MALRD1: variants seen among roughly 807,000 people sequenced by gnomAD.
MALRD1 encodes the protein MAM and LDL-receptor class A domain-containing protein 1.
A neutral mutation model predicts 242.1 loss-of-function variants in MALRD1; 247 were observed. That is an observed-to-expected ratio of 1.02 (90% CI 0.92 to 1.13). The LOEUF (loss-of-function observed/expected upper bound fraction) is 1.13, where lower values mean the gene tolerates loss of function less well. Ranked by LOEUF, MALRD1 falls within the 50% of genes most tolerant of loss-of-function variation. The pLI, the probability that MALRD1 is intolerant of heterozygous loss-of-function variation, is 0.00. For missense variants in MALRD1, 2,989 were observed against 2,533.1 expected (o/e 1.18, Z -3.86); for synonymous variants, 995 against 866.6 (o/e 1.15, Z -2.60).
rs540788579 is a variant in MALRD1 at position 19,223,894 on chromosome 10, C to A, written c.2991+14214C>A. Among the ~76,000 whole-genome samples, 19 of 152,280 alleles carry A rather than the reference C, an allele frequency of 1.2e-4. No individual in the cohort carries two copies. The South Asian group carries it at 3.9e-3, about 32-fold the overall frequency. The stretch of plus-strand genomic sequence containing the variant: ...GACATGAATCCATCCTTTTTTATAG[C>A]TGCATAGTATTCCACGGTGTATATG... On this transcript the variant is annotated intron_variant, in intron 18 of 39. Coordinates refer to ENST00000454679, the MANE Select transcript of MALRD1 (RefSeq NM_001142308.3).
rs187260250 is a variant in MALRD1, at chr10:19,102,994, C to T, written c.598-985C>T. On this transcript the variant is annotated intron_variant, in intron 4 of 39. Transcript: ENST00000454679. Reference sequence around the variant, plus strand: ...TCCTGAGTATATGGGATTATAGGTGCCCGCCACCACTCCCAGCTAATTTTT... The same window carrying T: ...TCCTGAGTATATGGGATTATAGGTGTCCGCCACCACTCCCAGCTAATTTTT... Among the ~76,000 whole-genome samples the T allele has an allele frequency of 2.6e-3, 399 of 151,910 alleles. 5 individuals are homozygous for T. Among genetic ancestry groups the T allele is most frequent in the African/African-American group, 9.1e-3 (379 of 41,422 alleles).
intron 36 of MALRD1, among the ~76,000 whole-genome samples, chr10:19,619,887 C>A (rs1221963342): frequency 6.6e-6 from 1 of 151,968 alleles, no homozygotes; most frequent in Non-Finnish European, 1.5e-5. Flanking sequence ...GGCTCACCCT[C>A]ACCCTCATAG....
intron 31 of MALRD1, among the ~76,000 whole-genome samples, chr10:19,499,489 C>T (rs1048114346): frequency 2.0e-5 from 3 of 151,906 alleles, no homozygotes; most frequent in African/African-American, 7.3e-5. Context: ...GAAGGATCCC[C>T]AAGGGAATGT....
chr10:19,149,751 C>T (rs1310686129), intron 11 of MALRD1, among the ~76,000 whole-genome samples: 2 of 152,078 alleles, frequency 1.3e-5, no homozygotes, highest in Non-Finnish European at 2.9e-5. Flanking sequence ...TTCTGACATA[C>T]ATACACAATT....
intron 38 of MALRD1, among the ~76,000 whole-genome samples, chr10:19,716,108 G>A (rs1834374490): frequency 6.6e-6 from 1 of 152,092 alleles, no homozygotes; most frequent in Admixed American, 6.5e-5. Flanking sequence ...GGCTAGTGTG[G>A]GATTCTTATG....
intron 18 of MALRD1, among the ~76,000 whole-genome samples, chr10:19,236,089 G>A (rs1214045162): frequency 2.0e-5 from 3 of 152,152 alleles, no homozygotes. Flanking sequence ...GACTACTCGA[G>A]GAGTTCATAT....
Position 19,401,940 on chromosome 10 carries a change from T to A in MALRD1, c.4845+12331T>A, listed in dbSNP as rs1215425215. On this transcript the variant is annotated intron_variant, in intron 28 of 39. Transcript: ENST00000454679. ...ACTCATGTTGATACTTAAGAAAACA[T>A]GATACTTACATAAACCCAACAAGAA... Among the ~76,000 whole-genome samples, 4 of 152,226 alleles carry A rather than the reference T, an allele frequency of 2.6e-5. No homozygotes were observed. In the East Asian group the frequency reaches 7.7e-4, roughly 29 times the overall value.
chr10:19,223,708 C>T (rs1837660257), intron 18 of MALRD1, among the ~76,000 whole-genome samples: 1 of 152,068 alleles, frequency 6.6e-6, no homozygotes. Flanking sequence ...TCCTTCCTAC[C>T]CACTGACAGG....
chr10:19,237,598 AATTATAATTATAATTATATAAT>A (rs1838392580), intron 18 of MALRD1, among the ~76,000 whole-genome samples: 1 of 7,316 alleles, frequency 1.4e-4, no homozygotes, highest in African/African-American at 1.3e-3. Flanking sequence ...ATAATTATAT[AATTATAATTATAATTATATAAT>A]TATATAATTA....
intron 18 of MALRD1, among the ~76,000 whole-genome samples, chr10:19,228,491 C>T (rs1264473384): frequency 6.6e-6 from 1 of 152,132 alleles, no homozygotes; most frequent in African/African-American, 2.4e-5. Context: ...TATTCATCTG[C>T]CATAACCCAT....
intron 34 of MALRD1, among the ~76,000 whole-genome samples, chr10:19,597,573 A>ACATT (rs1838157421): frequency 6.6e-6 from 1 of 152,220 alleles, no homozygotes; most frequent in South Asian, 2.1e-4. Context: ...TTGTAAACTC[A>ACATT]CATTCATTCA....
intron 32 of MALRD1, among the ~76,000 whole-genome samples, chr10:19,540,648 A>C (rs778100036): frequency 6.6e-6 from 1 of 152,176 alleles, no homozygotes; most frequent in Admixed American, 6.6e-5. Flanking sequence ...AGATGTTACT[A>C]TATAGACGAG....
At chr10:19,514,167 A>G (rs903716601) in intron 31 of MALRD1, among the ~76,000 whole-genome samples, 1 of 152,226 alleles carries the variant, frequency 6.6e-6, no homozygotes, top group Non-Finnish European at 1.5e-5. Context: ...AGTTTATTAT[A>G]GTGCAACTGG....
At chr10:19,577,804 C>T (rs973323793) in intron 33 of MALRD1, among the ~76,000 whole-genome samples, 3 of 151,898 alleles carry the variant, frequency 2.0e-5, no homozygotes, top group African/African-American at 4.8e-5. Flanking sequence ...ATTTCACAAC[C>T]ATATGGAAAC....
At chr10:19,729,503 C>T (rs868546715) in intron 38 of MALRD1, among the ~76,000 whole-genome samples, 2 of 149,942 alleles carry the variant, frequency 1.3e-5, no homozygotes, top group Admixed American at 6.6e-5. Context: ...TTCCATTCTC[C>T]ATTGTGTGTG....
chr10:19,322,041 T>C (rs1842932739), intron 21 of MALRD1, among the ~76,000 whole-genome samples: 1 of 152,174 alleles, frequency 6.6e-6, no homozygotes, highest in Non-Finnish European at 1.5e-5. Context: ...ATCTCATAAG[T>C]AGAACTCAAT....
At chr10:19,334,520 T>C (rs975673141) in intron 24 of MALRD1, among the ~76,000 whole-genome samples, 18 of 152,046 alleles carry the variant, frequency 1.2e-4, no homozygotes, top group African/African-American at 3.9e-4. Context: ...TATGAAAACA[T>C]TACACTGTAC....
At chr10:19,088,631 A>T (rs1835774649) in intron 4 of MALRD1, among the ~76,000 whole-genome samples, 2 of 102,172 alleles carry the variant, frequency 2.0e-5, no homozygotes, top group African/African-American at 8.5e-5. Context: ...ACATGTGCAC[A>T]TTGTGCAGGT....
intron 24 of MALRD1, among the ~76,000 whole-genome samples, chr10:19,333,207 T>G (rs140664061): frequency 6.4e-4 from 98 of 152,276 alleles, no homozygotes; most frequent in African/African-American, 2.3e-3. Flanking sequence ...TCTTGTATGT[T>G]GTGTGATGGG....
Sources: gnomAD v4.1 joint callset for allele counts (sites outside exome capture counted in the v4.1 genomes callset) on GRCh38, gnomAD v4.1.1 for gene constraint, MANE v1.5 for transcripts, NCBI Gene and HGNC (gene_info 2026-07-23, HGNC 2026-07-21) for gene names.